The following CDH22 variants were observed in gnomAD, a reference collection of about 807,000 sequenced individuals.
CDH22 encodes the protein cadherin 22.
In CDH22, 30 loss-of-function variants were observed where a neutral mutation model predicts 58.4. The ratio of observed to expected loss-of-function variants is 0.51; its 90% CI spans 0.38 to 0.70. The LOEUF (loss-of-function observed/expected upper bound fraction) is 0.70, where lower values mean the gene tolerates loss of function less well. Ranked by LOEUF, CDH22 falls within the 30% of genes least tolerant of loss-of-function variation. The pLI is 0.00. For synonymous variants in CDH22, 513 were observed against 558.2 expected, an observed-to-expected ratio of 0.92 and a Z score of 1.14; for missense variants, 1,014 against 1,233.9, an observed-to-expected ratio of 0.82 and a Z score of 2.67.
chr20:46,198,287 G>GACAC (rs368091518), intron 8 of CDH22, among the ~76,000 whole-genome samples: 25,568 of 128,400 alleles, frequency 0.2, 2,598 homozygotes, highest in Non-Finnish European at 0.23. Context: ...GCACCAAAAA[G>GACAC]ACACACACAC....
intron 1 of CDH22, among the ~76,000 whole-genome samples, chr20:46,281,649 G>C (rs1032785080): frequency 6.6e-6 from 1 of 152,200 alleles, no homozygotes; most frequent in Non-Finnish European, 1.5e-5. Context: ...AACAAACACA[G>C]AGTGCATTAT....
At chr20:46,293,094 G>C (rs2086612071) in intron 1 of CDH22, among the ~76,000 whole-genome samples, 1 of 152,078 alleles carries the variant, frequency 6.6e-6, no homozygotes, top group Non-Finnish European at 1.5e-5. Flanking sequence ...TGAATGAATT[G>C]GGGGAGGAGA....
rs184890128 is a variant in CDH22 at position 46,242,570 on chromosome 20, C to T, written c.256-1313G>A. On this transcript the variant is annotated intron_variant, in intron 2 of 11. Coordinates refer to ENST00000537909, the MANE Select transcript of CDH22 (RefSeq NM_021248.3). ...CATTTACAATATTTAGCAGCCAGCA[C>T]GGTGGGGGCACTGCCCAGGCAGTGG... Among the ~76,000 whole-genome samples the T allele has an allele frequency of 8.4e-4, 128 of 152,346 alleles. 1 individual carries two copies. Among genetic ancestry groups the T allele is most frequent in the African/African-American group, 2.9e-3 (120 of 41,580 alleles).
At chr20:46,190,109 G>A (rs115357180) in intron 8 of CDH22, among the ~76,000 whole-genome samples, 189 of 152,260 alleles carry the variant, frequency 1.2e-3, no homozygotes, top group African/African-American at 4.3e-3. Flanking sequence ...GAAAATAATC[G>A]TATTTTGCCA....
intron 3 of CDH22, among the ~76,000 whole-genome samples, chr20:46,230,696 C>A (rs1005153299): frequency 6.6e-6 from 1 of 152,072 alleles, no homozygotes; most frequent in African/African-American, 2.4e-5. Context: ...TTCAGATAAG[C>A]TTTTAATATT....
At chr20:46,187,261 C>T (rs2085833380) in intron 8 of CDH22, among the ~76,000 whole-genome samples, 1 of 151,976 alleles carries the variant, frequency 6.6e-6, no homozygotes, top group African/African-American at 2.4e-5. Flanking sequence ...CCACCATCAC[C>T]ATCCCATCTC....
At chr20:46,256,036 G>A (rs1415911371) in intron 1 of CDH22, among the ~76,000 whole-genome samples, 1 of 152,204 alleles carries the variant, frequency 6.6e-6, no homozygotes, top group Non-Finnish European at 1.5e-5. Flanking sequence ...GTCTGCCCAT[G>A]GGCCTACATA....
At chr20:46,299,429 T>C (rs1429696082) in intron 1 of CDH22, among the ~76,000 whole-genome samples, 4 of 152,206 alleles carry the variant, frequency 2.6e-5, no homozygotes, top group Non-Finnish European at 5.9e-5. Flanking sequence ...AGCTGGCTAA[T>C]AGGGTCCTGA....
intron 2 of CDH22, among the ~76,000 whole-genome samples, chr20:46,246,949 T>A (rs1313082793): frequency 7.1e-6 from 1 of 140,766 alleles, no homozygotes; most frequent in Admixed American, 7.8e-5. Context: ...CAAGCACTCG[T>A]ACATACGAGG....
intron 8 of CDH22, among the ~76,000 whole-genome samples, chr20:46,190,672 C>A (rs2085856822): frequency 6.6e-6 from 1 of 152,250 alleles, no homozygotes; most frequent in Non-Finnish European, 1.5e-5. Context: ...CTAATTGATG[C>A]AGCCTTGAGG....
At chr20:46,288,795 C>G (rs2086587369) in intron 1 of CDH22, among the ~76,000 whole-genome samples, 1 of 152,196 alleles carries the variant, frequency 6.6e-6, no homozygotes, top group Non-Finnish European at 1.5e-5. Context: ...GATCCAGAAT[C>G]TGGCCGATCT....
chr20:46,227,502 C>T lies in CDH22; in HGVS notation c.670+6G>A, dbSNP rs546834766. On this transcript the variant is annotated splice_donor_region_variant and intron_variant, in intron 4 of 11. Coordinates refer to ENST00000537909, the MANE Select transcript of CDH22 (RefSeq NM_021248.3). Reference sequence around the variant, plus strand: ...GCTCCGCCTCTGGCCCCGCCCTGCCCCTCACCGGTCTTGGGGTCCACGGTG... The same window carrying T: ...GCTCCGCCTCTGGCCCCGCCCTGCCTCTCACCGGTCTTGGGGTCCACGGTG... The T allele has an allele frequency of 1.9e-6, 3 of 1,593,520 alleles. No homozygotes were observed. The African/African-American group carries it at 4.0e-5, about 21-fold the overall frequency.
intron 3 of CDH22, among the ~76,000 whole-genome samples, chr20:46,238,671 T>C (rs974623313): frequency 1.3e-5 from 2 of 152,224 alleles, no homozygotes; most frequent in South Asian, 4.1e-4. Context: ...TTTCTTTCTT[T>C]CACACTCCAT....
intron 6 of CDH22, among the ~76,000 whole-genome samples, chr20:46,212,118 T>C (rs1229175840): frequency 6.6e-6 from 1 of 152,204 alleles, no homozygotes; most frequent in Non-Finnish European, 1.5e-5. Flanking sequence ...GAGCGGGTCA[T>C]TATGTGCTTG....
At position 46,174,847 on chromosome 20, in the gene CDH22, CGCCCGA is replaced by C; in HGVS notation, c.2140_2145del (p.Ser714_Gly715del). On this transcript the variant is annotated inframe_deletion, in exon 12 of 12. Transcript: ENST00000537909. This position sits in a 1 kb window ranked among gnomAD's most constrained non-coding sequence, Gnocchi z 4.4. Reference sequence around the variant, plus strand: ...GCCTGCGGGGGGCTGCCCGCGCCCCCGCCCGAGCCCCCGCCCGCTCCCCCGCCCGCG... The same window carrying C: ...GCCTGCGGGGGGCTGCCCGCGCCCCCGCCCCCGCCCGCTCCCCCGCCCGCG... 46 of 1,293,862 alleles carry C rather than the reference CGCCCGA, an allele frequency of 3.6e-5. No individual in the cohort carries two copies. The highest frequency in any genetic ancestry group is 4.0e-5 in the Non-Finnish European group (41 of 1,020,552). 80.1% of individuals were successfully genotyped at this position (1,293,862 alleles called of 1,614,324 possible).
At chr20:46,285,392 CA>C (rs1245116907) in intron 1 of CDH22, among the ~76,000 whole-genome samples, 4 of 152,196 alleles carry the variant, frequency 2.6e-5, no homozygotes, top group African/African-American at 7.2e-5. Flanking sequence ...GCTTCTCAAC[CA>C]GGGGGGACCT....
intron 1 of CDH22, among the ~76,000 whole-genome samples, chr20:46,289,561 C>T (rs991353825): frequency 2.0e-5 from 3 of 152,192 alleles, no homozygotes; most frequent in Non-Finnish European, 4.4e-5. Context: ...CAGCAGACAG[C>T]GGGAAGCCAC....
intron 8 of CDH22, among the ~76,000 whole-genome samples, chr20:46,187,619 A>G (rs925246953): frequency 2.0e-5 from 3 of 151,890 alleles, no homozygotes; most frequent in African/African-American, 4.8e-5. Flanking sequence ...ACCATCACCA[A>G]TACCACCACC....
intron 7 of CDH22, chr20:46,209,992 T>C (rs2086028318): frequency 6.8e-6 from 2 of 293,652 alleles, no homozygotes; most frequent in Non-Finnish European, 1.3e-5. Context: ...AGGGAGCCAG[T>C]GTGGCTGCAG....
Sources: gnomAD v4.1 joint callset for allele counts (sites outside exome capture counted in the v4.1 genomes callset) on GRCh38, gnomAD v4.1.1 for gene constraint, Gnocchi (gnomAD v3.1) non-coding constraint, MANE v1.5 for transcripts, NCBI Gene and HGNC (gene_info 2026-07-23, HGNC 2026-07-21) for gene names.